Variants in TMEM217B observed in about 807,000 individuals in gnomAD.
TMEM217B encodes putative transmembrane protein 217B.
the TMEM217B span, among the ~76,000 whole-genome samples, chr6:37,254,791 C>G: frequency 6.6e-6 from 1 of 152,174 alleles, no homozygotes; most frequent in African/African-American, 2.4e-5. Context: ...TTCACGATCT[C>G]TAGGGCAGTA....
chr6:37,249,820 C>A, the TMEM217B span, among the ~76,000 whole-genome samples: 41 of 152,318 alleles, frequency 2.7e-4, no homozygotes, highest in African/African-American at 9.1e-4. Context: ...AGTAGTATGA[C>A]CACTTTGAAA....
the TMEM217B span, among the ~76,000 whole-genome samples, chr6:37,229,506 C>A: frequency 6.6e-6 from 1 of 151,882 alleles, no homozygotes; most frequent in Non-Finnish European, 1.5e-5. Context: ...CCACGCCCGG[C>A]TAATTTTTTG....
At chr6:37,229,025 T>C in the TMEM217B span, among the ~76,000 whole-genome samples, 1 of 151,512 alleles carries the variant, frequency 6.6e-6, no homozygotes, top group Non-Finnish European at 1.5e-5. Context: ...AAAATAACAA[T>C]AATAATAATA....
chr6:37,245,615 C>T, the TMEM217B span, among the ~76,000 whole-genome samples: 2 of 152,022 alleles, frequency 1.3e-5, no homozygotes, highest in Non-Finnish European at 2.9e-5. Context: ...GGAAATTCTC[C>T]GTATGTGGGA....
At chr6:37,228,723 C>T in the TMEM217B span, among the ~76,000 whole-genome samples, 8 of 150,830 alleles carry the variant, frequency 5.3e-5, no homozygotes, top group Non-Finnish European at 8.8e-5. Context: ...AATAGCTGGG[C>T]GCAGTGGCTC....
the TMEM217B span, chr6:37,212,436 C>T: frequency 1.4e-5 from 6 of 425,366 alleles, no homozygotes; most frequent in Admixed American, 1.5e-4. Context: ...TCCGGTACAA[C>T]ATTCCCAGAC....
the TMEM217B span, among the ~76,000 whole-genome samples, chr6:37,245,828 T>C: frequency 6.6e-6 from 1 of 150,638 alleles, no homozygotes; most frequent in Non-Finnish European, 1.5e-5. Context: ...AGAGGGAGTT[T>C]TGCTCTTGTT....
chr6:37,250,705 A>G, the TMEM217B span, among the ~76,000 whole-genome samples: 90 of 152,370 alleles, frequency 5.9e-4, no homozygotes, highest in African/African-American at 2.1e-3. Flanking sequence ...GTGTGCACGC[A>G]CACACACACG....
At chr6:37,248,252 A>G in the TMEM217B span, among the ~76,000 whole-genome samples, 108 of 152,296 alleles carry the variant, frequency 7.1e-4, no homozygotes, top group African/African-American at 2.3e-3. Flanking sequence ...TGTTGAGGAC[A>G]GGGGCTGTAT....
the TMEM217B span, among the ~76,000 whole-genome samples, chr6:37,255,782 A>C: frequency 5.3e-5 from 8 of 152,126 alleles, no homozygotes; most frequent in Admixed American, 3.3e-4. Flanking sequence ...TGCTGTAAGC[A>C]GGTGTGTGGT....
the TMEM217B span, among the ~76,000 whole-genome samples, chr6:37,234,840 G>T: frequency 8.5e-5 from 13 of 152,240 alleles, no homozygotes; most frequent in South Asian, 4.1e-4. Flanking sequence ...CCTGTGAAAA[G>T]TATGAATAGG....
At chr6:37,258,053 G>C in the TMEM217B span, 9 of 1,516,630 alleles carry the variant, frequency 5.9e-6, no homozygotes, top group Non-Finnish European at 8.0e-6. Context: ...GCGGGCCTGG[G>C]GCGCCACAGA....
the TMEM217B span, among the ~76,000 whole-genome samples, chr6:37,236,141 T>C: frequency 1.3e-5 from 2 of 152,212 alleles, no homozygotes; most frequent in African/African-American, 4.8e-5. Flanking sequence ...GTTTATTTTA[T>C]TTTTAATTTA....
At chr6:37,215,570 C>CAAAAA in the TMEM217B span, among the ~76,000 whole-genome samples, 1,254 of 72,382 alleles carry the variant, frequency 0.017, 7 homozygotes, top group Non-Finnish European at 0.023. Flanking sequence ...GACTCTGTCT[C>CAAAAA]AAAAAAAAAA....
the TMEM217B span, among the ~76,000 whole-genome samples, chr6:37,246,844 A>T: frequency 6.6e-6 from 1 of 151,724 alleles, no homozygotes; most frequent in South Asian, 2.1e-4. Flanking sequence ...TCAAGGCCGC[A>T]GTGAGCCATG....
chr6:37,236,063 T>G, the TMEM217B span, among the ~76,000 whole-genome samples: 6 of 152,306 alleles, frequency 3.9e-5, no homozygotes, highest in Admixed American at 1.3e-4. Context: ...CATTGTAAAA[T>G]AAAGCTGATT....
the TMEM217B span, chr6:37,257,553 G>A: frequency 3.5e-6 from 1 of 284,070 alleles, no homozygotes; most frequent in Admixed American, 5.1e-5. Context: ...CCTTCCCATA[G>A]GTCCCTTACC....
At chr6:37,228,914 G>T in the TMEM217B span, among the ~76,000 whole-genome samples, 1 of 145,120 alleles carries the variant, frequency 6.9e-6, no homozygotes, top group African/African-American at 2.6e-5. Context: ...GGAGAATGGC[G>T]TGAACCTGGG....
chr6:37,240,046 G>C, the TMEM217B span, among the ~76,000 whole-genome samples: 1 of 152,234 alleles, frequency 6.6e-6, no homozygotes, highest in African/African-American at 2.4e-5. Flanking sequence ...AATGTGTCTG[G>C]GTGGCTAAGA....
Sources: gnomAD v4.1 joint callset for allele counts (sites outside exome capture counted in the v4.1 genomes callset) on GRCh38, gnomAD v4.1.1 for gene constraint, MANE v1.5 for transcripts, NCBI Gene and HGNC (gene_info 2026-07-23, HGNC 2026-07-21) for gene names.